Variants in PUF60 observed in about 807,000 individuals in gnomAD.
PUF60 encodes poly(U)-binding-splicing factor PUF60.
Under a neutral mutation model 61.8 loss-of-function variants are expected in PUF60, and 10 were observed. That is an observed-to-expected ratio of 0.16 (90% CI 0.10 to 0.27). PUF60 has a LOEUF of 0.27. Among genes scored for constraint, PUF60 ranks in the 10% least tolerant of loss-of-function variants. The pLI is 1.00. For synonymous variants in PUF60, 353 were observed against 300.9 expected (o/e 1.17, Z -1.79); for missense variants, 371 against 754.0 (o/e 0.49, Z 5.95).
chr8:143,828,570 T>C (rs1044004893), intron 1 of PUF60, among the ~76,000 whole-genome samples: 1 of 152,172 alleles, frequency 6.6e-6, no homozygotes, highest in Non-Finnish European at 1.5e-5. Flanking sequence ...CGCAGCTCCC[T>C]AGGGCGCCCA....
intron 5 of PUF60, 125 bp downstream of exon 5, chr8:143,820,541 G>A (rs565112342): frequency 1.2e-5 from 14 of 1,122,688 alleles, no homozygotes; most frequent in East Asian, 4.7e-5. Context: ...GCTCTGCTGC[G>A]CTCGTCCAGA....
At chr8:143,827,136 A>T (rs1817723737) in intron 1 of PUF60, 3 of 317,648 alleles carry the variant, frequency 9.4e-6, no homozygotes, top group African/African-American at 4.5e-5. Context: ...AAGAATGCCA[A>T]AATCAAAGAT....
At chr8:143,821,277 G>C (rs969009201) in intron 4 of PUF60, 1 of 530,936 alleles carries the variant, frequency 1.9e-6, no homozygotes, top group Non-Finnish European at 3.4e-6. Flanking sequence ...ACCATCGGCT[G>C]TGCACAGCTG....
At chr8:143,822,838 A>C (rs546964482) in intron 2 of PUF60, 11 of 332,008 alleles carry the variant, frequency 3.3e-5, no homozygotes, top group South Asian at 2.3e-4. Context: ...CCTCCAGCTC[A>C]GCAAGCACAA....
chr8:143,829,110 C>G, intron 1 of PUF60, 170 bp downstream of exon 1: 1 of 1,151,676 alleles, frequency 8.7e-7, no homozygotes, highest in Non-Finnish European at 1.1e-6. Context: ...AGCCGGCCGC[C>G]GGCGCGCGCC....
chr8:143,828,620 A>G (rs1356488079), intron 1 of PUF60, among the ~76,000 whole-genome samples: 2 of 152,186 alleles, frequency 1.3e-5, no homozygotes, highest in Non-Finnish European at 2.9e-5. Flanking sequence ...TCTGGTGCGC[A>G]CTAGACCTCC....
intron 1 of PUF60, 150 bp downstream of exon 1, chr8:143,829,130 C>G: frequency 8.4e-7 from 1 of 1,189,216 alleles, no homozygotes; most frequent in African/African-American, 1.6e-5. Context: ...CCGCCCCGCC[C>G]CCGCCTCACG....
intron 4 of PUF60, chr8:143,821,276 T>A: frequency 1.9e-6 from 1 of 527,354 alleles, no homozygotes; most frequent in Non-Finnish European, 3.4e-6. Context: ...CACCATCGGC[T>A]GTGCACAGCT....
intron 1 of PUF60, chr8:143,827,427 G>C: frequency 2.2e-6 from 1 of 456,282 alleles, no homozygotes; most frequent in South Asian, 1.5e-5. Context: ...GCAGCCACCA[G>C]GCAGAAGGCA....
Position 143,817,668 on chromosome 8 carries a change from G to A in PUF60, c.932C>T (p.Thr311Ile). The A allele has an allele frequency of 6.2e-7, 1 of 1,612,664 alleles. No homozygotes were observed. The highest frequency in any genetic ancestry group is 8.5e-7 in the Non-Finnish European group (1 of 1,179,860). The stretch of plus-strand genomic sequence containing the variant: ...TGGGAGGCCTCCAGGCGTGGCTGGT[G>A]TGAGTAGGGGCATGGGCGGTGTGAC... Reference protein sequence around the residue: ...KAVTPPMPLLTPATPGGLPPA... With the variant: ...KAVTPPMPLLIPATPGGLPPA... Residue 311 changes from threonine to isoleucine, a missense_variant, in exon 9 of 12, where the codon ACA (threonine) becomes ATA (isoleucine). Around this residue, in one of 13 missense-constraint regions of PUF60, gnomAD observed 17 missense variants for 19.2 expected, o/e 0.89. Transcript: ENST00000526683. This position sits in a 1 kb window ranked among gnomAD's most constrained non-coding sequence, Gnocchi z 7.4.
chr8:143,824,259 C>A (rs999781032), intron 2 of PUF60, 54 bp downstream of exon 2: 2 of 1,488,768 alleles, frequency 1.3e-6, no homozygotes, highest in Admixed American at 2.0e-5. Context: ...GGCAGGCGGG[C>A]GGGCGGGCGG....
rs774295918 is a variant in PUF60 at position 143,818,317 on chromosome 8, C to T, written c.511-32G>A. The T allele has an allele frequency of 1.5e-5, 24 of 1,606,820 alleles. No individual in the cohort carries two copies. The highest frequency in any genetic ancestry group is 6.7e-5 in the African/African-American group (5 of 74,814). On this transcript the variant is annotated intron_variant, in intron 6 of 11. Coordinates refer to ENST00000526683, the MANE Select transcript of PUF60 (RefSeq NM_078480.3). The surrounding 1 kb of genome is among the most constrained non-coding windows in gnomAD (Gnocchi z 7.9). Reference sequence around the variant, plus strand: ...ACAGGGACACACCTGTCAGGCTGCGCGAGCCCAGGGGTGGGGGCGAGCCCG... The same window carrying T: ...ACAGGGACACACCTGTCAGGCTGCGTGAGCCCAGGGGTGGGGGCGAGCCCG...
chr8:143,827,905 G>A (rs1321264771), intron 1 of PUF60, among the ~76,000 whole-genome samples: 1 of 152,088 alleles, frequency 6.6e-6, no homozygotes, highest in South Asian at 2.1e-4. Flanking sequence ...AGGGGAGTCA[G>A]GCATCCACTC....
In PUF60 at chr8:143,818,144, G is replaced by A. The variant is rs1221756763; in HGVS notation, c.603+49C>T. On this transcript the variant is annotated intron_variant, in intron 7 of 11. Coordinates refer to ENST00000526683, the MANE Select transcript of PUF60 (RefSeq NM_078480.3). The surrounding 1 kb of genome is among the most constrained non-coding windows in gnomAD (Gnocchi z 7.9). ...CCGGCCACAAAAGGCTTCCGTGGAG[G>A]GGCAGCCCTGCACGCCTGCGGGATC... The A allele has an allele frequency of 1.3e-6, 2 of 1,599,540 alleles. No homozygotes were observed. Among genetic ancestry groups the A allele is most frequent in the East Asian group, 2.3e-5 (1 of 44,328 alleles).
intron 1 of PUF60, among the ~76,000 whole-genome samples, chr8:143,826,652 G>A (rs1009421086): frequency 1.3e-5 from 2 of 152,208 alleles, no homozygotes; most frequent in African/African-American, 2.4e-5. Context: ...CCAGGAGGCA[G>A]AGGTTGCAGT....
At chr8:143,826,392 G>T (rs372275717) in intron 1 of PUF60, among the ~76,000 whole-genome samples, 1 of 152,160 alleles carries the variant, frequency 6.6e-6, no homozygotes, top group Non-Finnish European at 1.5e-5. Flanking sequence ...ACAGCAAGAC[G>T]CTGTCTCTAT....
chr8:143,818,441 C>T lies in PUF60; in HGVS notation c.442G>A (p.Ala148Thr). Residue 148 changes from alanine to threonine, a missense_variant, in exon 6 of 12, where the codon GCC becomes ACC. This residue lies in a region of PUF60 where 35 missense variants were observed against 173.1 expected (regional missense o/e 0.20). Coordinates refer to ENST00000526683, the MANE Select transcript of PUF60 (RefSeq NM_078480.3). The surrounding 1 kb of genome is among the most constrained non-coding windows in gnomAD (Gnocchi z 7.9). ...TTGATGGGGCCAAAGGGGGCAAAGG[C>T]CTGGCGGATGGTGTCCTCCCCCAGC... ...YELGEDTIRQ[A>T]FAPFGPIKSI... 6.2e-7 allele frequency: 1 copy of T among 1,612,194 alleles called. No individual in the cohort carries two copies. Among genetic ancestry groups the T allele is most frequent in the Non-Finnish European group, 8.5e-7 (1 of 1,179,592 alleles).
chr8:143,816,896 GC>G lies in PUF60; in HGVS notation c.1380+13del. 6.7e-7 allele frequency: 1 copy of G among 1,494,566 alleles called. No individual in the cohort carries two copies. Among genetic ancestry groups the G allele is most frequent in the Non-Finnish European group, 9.0e-7 (1 of 1,109,366 alleles). The allele number at this position is 1,494,566 out of a possible 1,614,324, so 92.6% of individuals were successfully genotyped here. On this transcript the variant is annotated intron_variant, in intron 11 of 11. Coordinates refer to ENST00000526683, the MANE Select transcript of PUF60 (RefSeq NM_078480.3). Reference sequence around the variant, plus strand: ...CTACCCTCTCCCCCGCCACCACCCTGCCCCTCTGCCTACCTCCTGCTTGCGG... The same window carrying G: ...CTACCCTCTCCCCCGCCACCACCCTGCCCTCTGCCTACCTCCTGCTTGCGG...
chr8:143,827,669 T>C (rs1817786432), intron 1 of PUF60: 9 of 331,024 alleles, frequency 2.7e-5, no homozygotes, highest in Non-Finnish European at 5.4e-5. Context: ...AGGCTACAGC[T>C]CACTCCTGGA....
Sources: allele counts gnomAD v4.1 joint callset (sites outside exome capture counted in the v4.1 genomes callset), GRCh38; gene constraint gnomAD v4.1.1; regional missense constraint gnomAD v4.1.1; non-coding constraint Gnocchi (gnomAD v3.1); transcripts MANE v1.5; gene names NCBI Gene and HGNC (gene_info 2026-07-23, HGNC 2026-07-21).